Variants in DPYD observed in about 807,000 individuals in gnomAD.
DPYD encodes dihydropyrimidine dehydrogenase.
DPYD carries 109 observed loss-of-function variants against 116.2 expected under a neutral mutation model. The ratio of observed to expected loss-of-function variants is 0.94; its 90% CI spans 0.80 to 1.10. The LOEUF is 1.10. DPYD is among the 50% of genes least tolerant of loss of function. DPYD has a pLI of 0.00. For missense variants in DPYD, 1,302 were observed against 1,254.5 expected, an observed-to-expected ratio of 1.04 and a Z score of -0.57; for synonymous variants, 440 against 432.0, an observed-to-expected ratio of 1.02 and a Z score of -0.23.
chr1:97,794,597 A>G (rs769550369), intron 3 of DPYD, among the ~76,000 whole-genome samples: 1 of 152,174 alleles, frequency 6.6e-6, no homozygotes, highest in Non-Finnish European at 1.5e-5. Flanking sequence ...CCATTCACCT[A>G]AGGGTACATA....
At chr1:97,382,178 A>C (rs554029594) in intron 15 of DPYD, among the ~76,000 whole-genome samples, 16 of 152,298 alleles carry the variant, frequency 1.1e-4, no homozygotes, top group African/African-American at 3.8e-4. Flanking sequence ...GTGAAATCCA[A>C]GGGACCGCTT....
At chr1:97,341,339 C>A (rs185040769) in intron 16 of DPYD, among the ~76,000 whole-genome samples, 19 of 152,106 alleles carry the variant, frequency 1.2e-4, no homozygotes, top group Non-Finnish European at 1.6e-4. Flanking sequence ...AATTGCAAAG[C>A]CCCTAATTTA....
intron 3 of DPYD, among the ~76,000 whole-genome samples, chr1:97,745,329 T>C (rs947793879): frequency 1.3e-5 from 2 of 152,128 alleles, no homozygotes; most frequent in Non-Finnish European, 2.9e-5. Flanking sequence ...TTGATATTTA[T>C]TTGTATTTAC....
chr1:97,441,388 CTCTT>C (rs1366672483), intron 14 of DPYD, among the ~76,000 whole-genome samples: 1 of 152,020 alleles, frequency 6.6e-6, no homozygotes, highest in African/African-American at 2.4e-5. Flanking sequence ...TTACTTCTCT[CTCTT>C]TCTCTGTTTG....
chr1:97,309,915 C>T (rs1667399201), intron 16 of DPYD, among the ~76,000 whole-genome samples: 2 of 151,608 alleles, frequency 1.3e-5, no homozygotes, highest in African/African-American at 4.8e-5. Flanking sequence ...GCTTTTGAGA[C>T]CCTGAAGATG....
chr1:97,097,334 A>G (rs983483874), intron 21 of DPYD, among the ~76,000 whole-genome samples: 1 of 151,474 alleles, frequency 6.6e-6, no homozygotes, highest in Non-Finnish European at 1.5e-5. Flanking sequence ...TTTTTTCTTC[A>G]TAGGTAGAAG....
chr1:97,891,744 T>C (rs1672788908), intron 1 of DPYD, among the ~76,000 whole-genome samples: 1 of 151,910 alleles, frequency 6.6e-6, no homozygotes, highest in African/African-American at 2.4e-5. Flanking sequence ...TTCAAGAGCT[T>C]GAATTCCAAT....
intron 20 of DPYD, among the ~76,000 whole-genome samples, chr1:97,192,034 A>G (rs1047452841): frequency 1.3e-5 from 2 of 152,056 alleles, no homozygotes; most frequent in Non-Finnish European, 2.9e-5. Context: ...TGGAACCCAC[A>G]TTGTAAGATT....
chr1:97,146,458 G>A (rs1654640972), intron 20 of DPYD, among the ~76,000 whole-genome samples: 1 of 152,170 alleles, frequency 6.6e-6, no homozygotes, highest in South Asian at 2.1e-4. Flanking sequence ...AGCACACCAT[G>A]TCCAAAGGCC....
chr1:97,678,181 C>G (rs984367166), intron 8 of DPYD, among the ~76,000 whole-genome samples: 6 of 152,126 alleles, frequency 3.9e-5, no homozygotes, highest in African/African-American at 1.4e-4. Context: ...GAGCATGCAA[C>G]TTAGATCCTT....
At chr1:97,724,157 C>T (rs1321169713) in intron 4 of DPYD, among the ~76,000 whole-genome samples, 2 of 151,570 alleles carry the variant, frequency 1.3e-5, no homozygotes, top group South Asian at 2.1e-4. Context: ...TAAAAGGCCT[C>T]TACAAAAACC....
intron 18 of DPYD, among the ~76,000 whole-genome samples, chr1:97,291,604 G>T (rs112077880): frequency 2.0e-5 from 3 of 151,448 alleles, no homozygotes; most frequent in African/African-American, 4.8e-5. Context: ...ACCAAACACC[G>T]CATTTTCTCA....
intron 13 of DPYD, among the ~76,000 whole-genome samples, chr1:97,514,043 A>G (rs951518369): frequency 2.0e-5 from 3 of 151,770 alleles, no homozygotes; most frequent in Non-Finnish European, 4.4e-5. Context: ...TTTCCAAAAA[A>G]CCCCGCATGG....
At chr1:97,390,273 AC>A (rs1228881534) in intron 14 of DPYD, among the ~76,000 whole-genome samples, 1 of 152,086 alleles carries the variant, frequency 6.6e-6, no homozygotes, top group Non-Finnish European at 1.5e-5. Flanking sequence ...ACGGGGGTGA[AC>A]AACTATAAAT....
intron 12 of DPYD, 110 bp from the exon 13 acceptor site, chr1:97,516,051 C>T (rs1447156341): frequency 2.1e-5 from 23 of 1,101,778 alleles, no homozygotes; most frequent in Non-Finnish European, 3.0e-5. Flanking sequence ...TAGATTACAA[C>T]AGTCTGTTTA....
chr1:97,085,427 T>A (rs1045745259), intron 21 of DPYD, among the ~76,000 whole-genome samples: 1 of 152,270 alleles, frequency 6.6e-6, no homozygotes, highest in Non-Finnish European at 1.5e-5. Context: ...CATTGTTTAA[T>A]GTGAAGCCAA....
chr1:97,541,232 G>A (rs1163419363), intron 12 of DPYD, among the ~76,000 whole-genome samples: 1 of 152,132 alleles, frequency 6.6e-6, no homozygotes, highest in Admixed American at 6.5e-5. Flanking sequence ...CCCTGTTTCT[G>A]TTGGATATAA....
chr1:97,642,721 G>A (rs1205563157), intron 8 of DPYD, among the ~76,000 whole-genome samples: 1 of 121,898 alleles, frequency 8.2e-6, no homozygotes, highest in Non-Finnish European at 1.6e-5. Context: ...TCACACTCTG[G>A]GGACTGTTGT....
chr1:97,766,081 A>C (rs1246299480), intron 3 of DPYD, among the ~76,000 whole-genome samples: 1 of 152,016 alleles, frequency 6.6e-6, no homozygotes, highest in Non-Finnish European at 1.5e-5. Context: ...CTACTAAAAA[A>C]ACACAAAAAA....
Sources: gnomAD v4.1 joint callset for allele counts (sites outside exome capture counted in the v4.1 genomes callset) on GRCh38, gnomAD v4.1.1 for gene constraint, MANE v1.5 for transcripts, NCBI Gene and HGNC (gene_info 2026-07-23, HGNC 2026-07-21) for gene names.